The following HNRNPLL variants were observed in gnomAD, a reference collection of about 807,000 sequenced individuals.
HNRNPLL encodes heterogeneous nuclear ribonucleoprotein L-like.
Under a neutral mutation model 67.1 loss-of-function variants are expected in HNRNPLL, and 25 were observed. The ratio of observed to expected loss-of-function variants is 0.37; its 90% CI spans 0.27 to 0.52. HNRNPLL has a LOEUF of 0.52. HNRNPLL is among the 20% of genes least tolerant of loss of function. The probability of loss-of-function intolerance (pLI) is 0.90; values close to 1 mark genes in which losing one functional copy is unlikely to be tolerated. For missense variants in HNRNPLL, 542 were observed against 673.9 expected (o/e 0.80, Z 2.17); for synonymous variants, 267 against 241.7 (o/e 1.10, Z -0.97).
intron 6 of HNRNPLL, among the ~76,000 whole-genome samples, chr2:38,580,665 A>G (rs998701422): frequency 5.9e-5 from 9 of 152,224 alleles, no homozygotes; most frequent in African/African-American, 2.2e-4. Flanking sequence ...TGTTTTTACA[A>G]GATCCACATT....
intron 1 of HNRNPLL, 111 bp from the exon 2 acceptor site, chr2:38,591,759 T>A: frequency 3.3e-6 from 2 of 603,752 alleles, no homozygotes; most frequent in Non-Finnish European, 5.9e-6. Context: ...GAGGGTCATT[T>A]GAGGTCAGGA....
rs1184048542 is a variant in HNRNPLL at position 38,602,478 on chromosome 2, C to T, written c.149G>A (p.Gly50Glu). 1 of 1,542,684 alleles carries T rather than the reference C, an allele frequency of 6.5e-7. No homozygotes were observed. Among genetic ancestry groups the T allele is most frequent in the South Asian group, 1.2e-5 (1 of 84,174 alleles). The change falls in exon 1 of 13, where the codon GGG becomes GAG. Residue 50 changes from glycine to glutamate, a missense_variant. Physicochemically the swap from Gly to Glu is moderately conservative, Grantham distance 98. Around this residue, in one of 2 missense-constraint regions of HNRNPLL, gnomAD observed 127 missense variants for 98.7 expected, o/e 1.29. Transcript: ENST00000449105. ...CCGGCCGCCGCCGCCGCCATCGCCC[C>T]CGCCCCGGGGCGTCGCTTCCCGGCG... Reference protein sequence around the residue: ...ENRREATPRGGGDGGGGGRSF... With the variant: ...ENRREATPRGEGDGGGGGRSF...
At chr2:38,592,455 TAGC>T (rs1447761462) in intron 1 of HNRNPLL, among the ~76,000 whole-genome samples, 1 of 152,254 alleles carries the variant, frequency 6.6e-6, no homozygotes, top group African/African-American at 2.4e-5. Context: ...GATACTCACT[TAGC>T]AGTATTAATT....
chr2:38,590,427 C>A (rs529582442), intron 2 of HNRNPLL, among the ~76,000 whole-genome samples: 1 of 152,236 alleles, frequency 6.6e-6, no homozygotes, highest in East Asian at 1.9e-4. Flanking sequence ...TTATATACTT[C>A]AACTTGATCT....
At chr2:38,574,219 TA>T (rs1296075989) in intron 7 of HNRNPLL, among the ~76,000 whole-genome samples, 1 of 151,612 alleles carries the variant, frequency 6.6e-6, no homozygotes, top group East Asian at 1.9e-4. Context: ...TAACAAAAAA[TA>T]AAGCTAGAGT....
In HNRNPLL at chr2:38,602,493, G is replaced by T; in HGVS notation, c.134C>A (p.Ala45Glu). ...GCCATCGCCCCCGCCCCGGGGCGTC[G>T]CTTCCCGGCGGTTCTCGCCTTCCTC... ...SAEEGENRRE[A>E]TPRGGGDGGG... The change falls in exon 1 of 13, where the codon GCG (alanine) becomes GAG (glutamate). Residue 45 changes from alanine to glutamate, a missense_variant. Physicochemically the swap from Ala to Glu is moderately radical, Grantham distance 107 (BLOSUM62 -1). Around this residue, in one of 2 missense-constraint regions of HNRNPLL, gnomAD observed 127 missense variants for 98.7 expected, o/e 1.29. Coordinates refer to ENST00000449105, the MANE Select transcript of HNRNPLL (RefSeq NM_138394.4). The T allele has an allele frequency of 6.5e-7, 1 of 1,546,104 alleles. No homozygotes were observed.
chr2:38,582,147 G>C lies in HNRNPLL; in HGVS notation c.654C>G (p.Ala218=), dbSNP rs553315050. The C allele has an allele frequency of 4.7e-5, 76 of 1,613,660 alleles. No homozygotes were observed. In the South Asian group the frequency reaches 8.3e-4, roughly 18 times the overall value. ...AMVEFESVLC[A]QKAKAALNGA... is the part of the protein sequence containing the mutation. ...CATTGAGTGCTGCTTTAGCTTTCTG[G>C]GCACAAAGGACTGATTCAAACATAA... is the stretch of plus-strand genomic sequence containing the variant. Residue 218 remains alanine (A), a synonymous_variant, in exon 5 of 13, where the codon GCC becomes GCG. Coordinates refer to ENST00000449105, the MANE Select transcript of HNRNPLL (RefSeq NM_138394.4).
At chr2:38,571,408 A>G (rs1379529464) in intron 8 of HNRNPLL, among the ~76,000 whole-genome samples, 7 of 152,178 alleles carry the variant, frequency 4.6e-5, no homozygotes, top group Non-Finnish European at 1.0e-4. Flanking sequence ...GACATAGATG[A>G]CACCTTCAAC....
intron 6 of HNRNPLL, 118 bp downstream of exon 6, chr2:38,581,795 C>A: frequency 1.4e-6 from 1 of 710,502 alleles, no homozygotes; most frequent in Non-Finnish European, 2.5e-6. Context: ...GCAACAAAAG[C>A]ATTCATCAAC....
Position 38,602,692 on chromosome 2 carries a change from C to G in HNRNPLL, c.-66G>C. 7.0e-7 allele frequency: 1 copy of G among 1,430,426 alleles called. No homozygotes were observed. The allele number at this position is 1,430,426 out of a possible 1,614,324, so 88.6% of individuals were successfully genotyped here. A position where few individuals can be genotyped will look rare whatever the true frequency, so the allele number is the denominator to read the frequency against. On this transcript the variant is annotated 5_prime_UTR_variant, in exon 1 of 13. Coordinates refer to ENST00000449105, the MANE Select transcript of HNRNPLL (RefSeq NM_138394.4). ...GGCGGTGGGGCGCGCGCCTCGGATG[C>G]CGCCGGCCAGTCCTCGCCGCCGGCA...
At chr2:38,566,380 C>CAAAA (rs71402235) in intron 12 of HNRNPLL, among the ~76,000 whole-genome samples, 13 of 119,136 alleles carry the variant, frequency 1.1e-4, no homozygotes, top group East Asian at 7.2e-4. Flanking sequence ...AAAAAAAAAC[C>CAAAA]AAAAAAAAAA....
intron 3 of HNRNPLL, among the ~76,000 whole-genome samples, chr2:38,584,901 C>T (rs374373874): frequency 3.3e-5 from 5 of 151,628 alleles, no homozygotes; most frequent in Non-Finnish European, 7.4e-5. Flanking sequence ...TTCCCAACAC[C>T]GAATATTATA....
At chr2:38,589,592 CA>C (rs1409824155) in intron 2 of HNRNPLL, among the ~76,000 whole-genome samples, 3 of 152,134 alleles carry the variant, frequency 2.0e-5, no homozygotes, top group African/African-American at 7.2e-5. Context: ...CAAAATGACG[CA>C]AATTAACTGA....
At position 38,602,596 on chromosome 2, in the gene HNRNPLL, T is replaced by C. The variant is rs1667491390; in HGVS notation, c.31A>G (p.Thr11Ala). The change falls in exon 1 of 13, where the codon ACG becomes GCG. Residue 11 changes from threonine to alanine, a missense_variant. Thr to Ala is a moderately conservative substitution (Grantham distance 58). Around this residue, in one of 2 missense-constraint regions of HNRNPLL, gnomAD observed 127 missense variants for 98.7 expected, o/e 1.29. Transcript: ENST00000449105. ...TCGTACTCCCGGTCCTCCTCGTACG[T>C]CTCCCTGGGGGAGGAAGAGGAGGAG... MSSSSSSPRE[T>A]YEEDREYESQ... The C allele has an allele frequency of 1.3e-6, 2 of 1,569,262 alleles. No homozygotes were observed. Among genetic ancestry groups the C allele is most frequent in the Non-Finnish European group, 1.7e-6 (2 of 1,160,460 alleles).
At position 38,569,851 on chromosome 2, in the gene HNRNPLL, G is replaced by A. The variant is rs1198058877; in HGVS notation, c.1167C>T (p.Val389=). ...MGDEYAVERA[V]THLNNVKLFG... ...ATAATTTGACATTATTAAGGTGTGT[G>A]ACAGCTCTTTCTACAGCATACTCAT... Residue 389 remains valine, a synonymous_variant, in exon 9 of 13, where the codon GTC becomes GTT. Transcript: ENST00000449105. 2.0e-6 allele frequency: 3 copies of A among 1,531,414 alleles called. No individual in the cohort carries two copies. The highest frequency in any genetic ancestry group is 2.7e-6 in the Non-Finnish European group (3 of 1,106,902). 94.9% of individuals were successfully genotyped at this position (1,531,414 alleles called of 1,614,324 possible). A position where few individuals can be genotyped will look rare whatever the true frequency, so the allele number is the denominator to read the frequency against.
intron 3 of HNRNPLL, among the ~76,000 whole-genome samples, chr2:38,584,443 T>G (rs116227301): frequency 6.6e-6 from 1 of 152,222 alleles, no homozygotes; most frequent in Middle Eastern, 3.2e-3. Flanking sequence ...AATGGAACAT[T>G]TGGAAAGCAC....
chr2:38,602,113 C>A, intron 1 of HNRNPLL: 2 of 346,060 alleles, frequency 5.8e-6, no homozygotes, highest in Non-Finnish European at 1.0e-5. Context: ...GTTAAACTAA[C>A]AAAGAGCTCC....
At chr2:38,566,612 A>G (rs1573717864) in intron 12 of HNRNPLL, among the ~76,000 whole-genome samples, 1 of 152,038 alleles carries the variant, frequency 6.6e-6, no homozygotes, top group East Asian at 1.9e-4. Flanking sequence ...ATAAAGTACA[A>G]TCTAGCAACA....
intron 6 of HNRNPLL, chr2:38,581,678 G>C: frequency 1.9e-6 from 1 of 529,458 alleles, no homozygotes; most frequent in Non-Finnish European, 3.3e-6. Flanking sequence ...AACTGCGGGC[G>C]TGCCTGAATG....
Sources: gnomAD v4.1 joint callset for allele counts (sites outside exome capture counted in the v4.1 genomes callset) on GRCh38, gnomAD v4.1.1 for gene constraint, gnomAD v4.1.1 regional missense constraint, MANE v1.5 for transcripts, NCBI Gene and HGNC (gene_info 2026-07-23, HGNC 2026-07-21) for gene names.